The following HLF variants were observed in gnomAD, a reference collection of about 807,000 sequenced individuals.
HLF encodes HLF transcription factor, PAR bZIP family member.
A neutral mutation model predicts 22.6 loss-of-function variants in HLF; 3 were observed. The observed-to-expected ratio is 0.13, with a 90% CI of 0.06 to 0.34. The LOEUF is 0.34. HLF is among the 10% of genes least tolerant of loss of function. HLF has a pLI of 1.00. For missense variants in HLF, 299 were observed against 389.2 expected (o/e 0.77, Z 1.95); for synonymous variants, 151 against 151.8 (o/e 0.99, Z 0.04).
chr17:55,271,336 C>G (rs2080855426), intron 2 of HLF, among the ~76,000 whole-genome samples: 1 of 152,100 alleles, frequency 6.6e-6, no homozygotes, highest in African/African-American at 2.4e-5. Flanking sequence ...AGTAGTTTAC[C>G]AAACAATTGT....
intron 2 of HLF, among the ~76,000 whole-genome samples, chr17:55,276,650 G>A (rs2080907071): frequency 6.6e-6 from 1 of 151,318 alleles, no homozygotes; most frequent in Non-Finnish European, 1.5e-5. Flanking sequence ...GATCCAATTT[G>A]GCTGGTGCAG....
intron 2 of HLF, among the ~76,000 whole-genome samples, chr17:55,277,327 G>A (rs2080914825): frequency 6.6e-6 from 1 of 150,560 alleles, no homozygotes; most frequent in Non-Finnish European, 1.5e-5. Flanking sequence ...GGGTGGGGGT[G>A]GGAAGGTTAA....
At chr17:55,273,972 C>T (rs1460617168) in intron 2 of HLF, among the ~76,000 whole-genome samples, 2 of 152,154 alleles carry the variant, frequency 1.3e-5, no homozygotes, top group African/African-American at 4.8e-5. Flanking sequence ...GTCTTCTCTG[C>T]ACTGCTGCGG....
intron 2 of HLF, among the ~76,000 whole-genome samples, chr17:55,297,459 T>C (rs1430977598): frequency 1.3e-5 from 2 of 152,154 alleles, no homozygotes; most frequent in Non-Finnish European, 2.9e-5. Flanking sequence ...TTAGGTAGCC[T>C]CAATAGATTG....
chr17:55,266,790 T>C, intron 1 of HLF: 5 of 984,460 alleles, frequency 5.1e-6, no homozygotes, highest in Non-Finnish European at 6.0e-6. Context: ...CACCCACGAC[T>C]GAATACTAGA....
intron 2 of HLF, among the ~76,000 whole-genome samples, chr17:55,313,439 A>G (rs1360415667): frequency 2.0e-5 from 3 of 151,950 alleles, no homozygotes; most frequent in Non-Finnish European, 4.4e-5. Flanking sequence ...ATACAGCATA[A>G]TAAACAATAT....
Position 55,307,388 on chromosome 17 carries a change from C to T in HLF, c.452-7839C>T, listed in dbSNP as rs557728581. Among the ~76,000 whole-genome samples the T allele has an allele frequency of 3.9e-4, 59 of 151,672 alleles. 1 individual carries two copies. Among genetic ancestry groups the T allele is most frequent in the South Asian group, 2.5e-3 (12 of 4,778 alleles). ...TTCACCGTGTTACCCAGGGTGGTCT[C>T]GAACTCCTGGCCTCAAGTGATCTGC... On this transcript the variant is annotated intron_variant, in intron 2 of 3. Coordinates refer to ENST00000226067, the MANE Select transcript of HLF (RefSeq NM_002126.5).
At position 55,304,225 on chromosome 17, in the gene HLF, C is replaced by T. The variant is rs138863064; in HGVS notation, c.452-11002C>T. ...GCACAGCTATCGGGTAGGAGGAGGCCAAGGTAGAAGGCACAGAGCCATTCT... is the reference window on the plus strand; with the variant it reads ...GCACAGCTATCGGGTAGGAGGAGGCTAAGGTAGAAGGCACAGAGCCATTCT... On this transcript the variant is annotated intron_variant, in intron 2 of 3. Transcript: ENST00000226067. Among the ~76,000 whole-genome samples the T allele has an allele frequency of 2.7e-3, 414 of 152,216 alleles. 4 individuals carry two copies. Among genetic ancestry groups the T allele is most frequent in the African/African-American group, 9.2e-3 (381 of 41,546 alleles).
chr17:55,286,785 A>G (rs16955841), intron 2 of HLF, among the ~76,000 whole-genome samples: 8,643 of 152,208 alleles, frequency 0.057, 386 homozygotes, highest in East Asian at 0.12. Flanking sequence ...TGCCATCAGT[A>G]TCATCCAGCC....
chr17:55,296,427 C>T (rs1371538536), intron 2 of HLF, among the ~76,000 whole-genome samples: 4 of 151,962 alleles, frequency 2.6e-5, no homozygotes, highest in Non-Finnish European at 5.9e-5. Flanking sequence ...CCAGACGTTC[C>T]CTTTGTGTTT....
At chr17:55,274,462 A>G (rs1357784560) in intron 2 of HLF, among the ~76,000 whole-genome samples, 4 of 152,142 alleles carry the variant, frequency 2.6e-5, no homozygotes, top group Non-Finnish European at 5.9e-5. Flanking sequence ...CTACTAAACC[A>G]CTGTTTTTCT....
chr17:55,279,720 A>T (rs1040132045), intron 2 of HLF, among the ~76,000 whole-genome samples: 8 of 152,192 alleles, frequency 5.3e-5, no homozygotes, highest in South Asian at 4.1e-4. Context: ...ATCCTGAACC[A>T]CAAGTGCGTA....
chr17:55,276,646 A>G (rs1295402357), intron 2 of HLF, among the ~76,000 whole-genome samples: 2 of 130,226 alleles, frequency 1.5e-5, no homozygotes, highest in African/African-American at 5.8e-5. Flanking sequence ...TGTAGATCCA[A>G]TTTGGCTGGT....
At chr17:55,299,300 C>T (rs2081136266) in intron 2 of HLF, among the ~76,000 whole-genome samples, 1 of 152,184 alleles carries the variant, frequency 6.6e-6, no homozygotes, top group Non-Finnish European at 1.5e-5. Flanking sequence ...AGTAACCTTT[C>T]AGAATGATCA....
At chr17:55,308,792 C>T (rs920827695) in intron 2 of HLF, among the ~76,000 whole-genome samples, 9 of 152,176 alleles carry the variant, frequency 5.9e-5, no homozygotes, top group Admixed American at 2.0e-4. Flanking sequence ...AGAAACTCAC[C>T]GTACACAAAT....
intron 2 of HLF, among the ~76,000 whole-genome samples, chr17:55,270,715 C>T (rs1042501494): frequency 1.7e-4 from 24 of 139,890 alleles, no homozygotes; most frequent in Admixed American, 1.6e-3. Flanking sequence ...GGCTGGAGTG[C>T]AGTGGCGCGA....
chr17:55,322,958 C>T lies in HLF; in HGVS notation c.*2079C>T, dbSNP rs59212690. The T allele has an allele frequency of 0.14, 31,231 of 223,674 alleles. 2,321 individuals are homozygous for T. The highest frequency in any genetic ancestry group is 0.16 in the Non-Finnish European group (18,385 of 112,096). The allele number at this position is 223,674 out of a possible 1,614,324, so 13.9% of individuals were successfully genotyped here. On this transcript the variant is annotated 3_prime_UTR_variant, in exon 4 of 4. Transcript: ENST00000226067. ...GCTGTTACGACAAAGAAACATTTTA[C>T]GCTAGATTAAAATATCCTTTCATCA...
At chr17:55,273,919 C>T (rs2080880507) in intron 2 of HLF, among the ~76,000 whole-genome samples, 1 of 152,094 alleles carries the variant, frequency 6.6e-6, no homozygotes, top group African/African-American at 2.4e-5. Flanking sequence ...CTAGCCAGAC[C>T]CCAAACCTGG....
intron 2 of HLF, among the ~76,000 whole-genome samples, chr17:55,305,645 C>T (rs557713738): frequency 1.3e-5 from 2 of 152,322 alleles, no homozygotes; most frequent in South Asian, 2.1e-4. Flanking sequence ...GTGGTTTCAC[C>T]CCCTCTCCCT....
Sources: gnomAD v4.1 joint callset for allele counts (sites outside exome capture counted in the v4.1 genomes callset) on GRCh38, gnomAD v4.1.1 for gene constraint, MANE v1.5 for transcripts, NCBI Gene and HGNC (gene_info 2026-07-23, HGNC 2026-07-21) for gene names.